The following DPH6 variants were observed in gnomAD, a reference collection of about 807,000 sequenced individuals.
The protein encoded by DPH6 is diphthine--ammonia ligase.
DPH6 carries 33 observed loss-of-function variants against 38.2 expected under a neutral mutation model. The observed-to-expected ratio is 0.86, with a 90% CI of 0.65 to 1.15. DPH6 has a LOEUF of 1.15. Ranked by LOEUF, DPH6 falls within the 50% of genes most tolerant of loss-of-function variation. DPH6 has a pLI of 0.00. For missense variants in DPH6, 325 were observed against 320.0 expected (o/e 1.02, Z -0.12); for synonymous variants, 108 against 103.0 (o/e 1.05, Z -0.30).
chr15:35,196,431 A>G, the DPH6 span, among the ~76,000 whole-genome samples: 1 of 152,166 alleles, frequency 6.6e-6, no homozygotes, highest in Non-Finnish European at 1.5e-5. Context: ...CGGACTACCC[A>G]CTAGCTGGAA....
chr15:35,351,209 T>C (rs2052507573), intron 3 of DPH6, among the ~76,000 whole-genome samples: 1 of 152,160 alleles, frequency 6.6e-6, no homozygotes, highest in Non-Finnish European at 1.5e-5. Flanking sequence ...TTTTGACTGG[T>C]ATATCAACCC....
the DPH6 span, among the ~76,000 whole-genome samples, chr15:35,147,496 T>A: frequency 5.3e-5 from 8 of 152,202 alleles, no homozygotes; most frequent in African/African-American, 1.4e-4. Flanking sequence ...GCAGAAGCAG[T>A]GACAAAGGAG....
chr15:35,325,924 C>T (rs981457722), downstream of DPH6, among the ~76,000 whole-genome samples: 3 of 151,848 alleles, frequency 2.0e-5, no homozygotes, highest in Non-Finnish European at 2.9e-5. Flanking sequence ...AGACACAAAA[C>T]GGCAGATAAA....
chr15:35,435,390 A>C (rs1317203293), intron 5 of DPH6, among the ~76,000 whole-genome samples: 1 of 152,236 alleles, frequency 6.6e-6, no homozygotes, highest in Non-Finnish European at 1.5e-5. Flanking sequence ...GCAAACATTG[A>C]GCAGTAATTG....
intron 6 of DPH6, among the ~76,000 whole-genome samples, chr15:35,387,449 C>T (rs573988387): frequency 3.3e-4 from 51 of 152,258 alleles, no homozygotes; most frequent in South Asian, 1.9e-3. Flanking sequence ...GCCATTTTCA[C>T]GATATTGATT....
intron 3 of DPH6, chr15:35,283,048 C>CTTT: frequency 5.8e-6 from 1 of 171,054 alleles, no homozygotes; most frequent in Non-Finnish European, 1.2e-5. Context: ...CTTCTTCTTC[C>CTTT]TTCTTCTTCC....
intron 3 of DPH6, among the ~76,000 whole-genome samples, chr15:35,300,497 C>A (rs753448021): frequency 9.2e-5 from 14 of 152,054 alleles, no homozygotes; most frequent in Non-Finnish European, 2.1e-4. Flanking sequence ...CGTTCCGGGA[C>A]TAAAGTGGCA....
At position 35,496,566 on chromosome 15, in the gene DPH6, AAATATATATATAT is replaced by A. The variant is rs1323378695; in HGVS notation, c.312+41695_312+41707del. 7.5e-5 allele frequency among the ~76,000 whole-genome samples: 7 copies of A among 93,798 alleles called. No homozygotes were observed. The East Asian group carries it at 3.2e-3, about 43-fold the overall frequency. The allele number at this position is 93,798 out of a possible 152,430, so 61.5% of individuals were successfully genotyped here. Reference sequence around the variant, plus strand: ...CGAAAGTTCCATCTCAAAAAAAAAAAAATATATATATATATATATATATATCCTCTACCAATGA... The same window carrying A: ...CGAAAGTTCCATCTCAAAAAAAAAAAATATATATATATCCTCTACCAATGA... On this transcript the variant is annotated intron_variant, in intron 3 of 8. Transcript: ENST00000256538.
At chr15:35,470,379 T>TA (rs1358132268) in intron 3 of DPH6, among the ~76,000 whole-genome samples, 3 of 151,650 alleles carry the variant, frequency 2.0e-5, no homozygotes, top group African/African-American at 7.3e-5. Context: ...AATGGGGATT[T>TA]AAAAAAAATA....
chr15:35,213,531 C>A (rs77939420), downstream of DPH6, among the ~76,000 whole-genome samples: 1 of 152,196 alleles, frequency 6.6e-6, no homozygotes, highest in African/African-American at 2.4e-5. Context: ...AAGGCCATAG[C>A]AGGCTTTTCT....
intron 5 of DPH6, among the ~76,000 whole-genome samples, chr15:35,432,750 C>T (rs1685389626): frequency 6.6e-6 from 1 of 152,034 alleles, no homozygotes; most frequent in Non-Finnish European, 1.5e-5. Context: ...GTACTGAAGA[C>T]ATATTCCACC....
chr15:35,521,175 G>A, intron 3 of DPH6: 2 of 985,278 alleles, frequency 2.0e-6, no homozygotes, highest in Non-Finnish European at 2.4e-6. Flanking sequence ...AATGCTACTT[G>A]AGTATTGCTC....
chr15:35,489,745 G>A, intron 3 of DPH6: 1 of 981,376 alleles, frequency 1.0e-6, no homozygotes. Flanking sequence ...ACAGTATACA[G>A]AAACTATAAA....
At chr15:35,194,840 T>A in the DPH6 span, among the ~76,000 whole-genome samples, 1 of 152,210 alleles carries the variant, frequency 6.6e-6, no homozygotes, top group Non-Finnish European at 1.5e-5. Context: ...TTCAGGGAAA[T>A]GTGATAATTT....
rs553358783 is a variant in DPH6 at position 35,480,528 on chromosome 15, T to C, written c.313-25708A>G. Among the ~76,000 whole-genome samples, 8 of 152,170 alleles carry C rather than the reference T, an allele frequency of 5.3e-5. No homozygotes were observed. In the East Asian group the frequency reaches 5.8e-4, roughly 11 times the overall value. ...CCATACCAGCTATATAAATAGGAAATAGATTTGTGGGCTTTTACACAGAAT... is the reference window on the plus strand; with the variant it reads ...CCATACCAGCTATATAAATAGGAAACAGATTTGTGGGCTTTTACACAGAAT... On this transcript the variant is annotated intron_variant, in intron 3 of 8. Transcript: ENST00000256538.
intron 5 of DPH6, among the ~76,000 whole-genome samples, chr15:35,436,483 AC>A (rs1488214246): frequency 0.1 from 3,572 of 35,122 alleles, 299 homozygotes; most frequent in African/African-American, 0.24. Flanking sequence ...ACAAACAAAA[AC>A]AAAACAAAAC....
chr15:35,329,014 G>A (rs374033050), downstream of DPH6, among the ~76,000 whole-genome samples: 8 of 152,116 alleles, frequency 5.3e-5, no homozygotes, highest in Admixed American at 2.6e-4. Context: ...AACAGTACGC[G>A]GGAAACTGCC....
chr15:35,325,953 A>G (rs1457264182), downstream of DPH6, among the ~76,000 whole-genome samples: 1 of 152,208 alleles, frequency 6.6e-6, no homozygotes, highest in African/African-American at 2.4e-5. Context: ...AAGAAGTTCA[A>G]TCTCAGTAGT....
At chr15:35,272,915 A>T (rs2051832315) in intron 3 of DPH6, among the ~76,000 whole-genome samples, 1 of 151,574 alleles carries the variant, frequency 6.6e-6, no homozygotes, top group Non-Finnish European at 1.5e-5. Flanking sequence ...TAAAAAAAAA[A>T]AAACAAACCA....
Sources: gnomAD v4.1 joint callset for allele counts (sites outside exome capture counted in the v4.1 genomes callset) on GRCh38, gnomAD v4.1.1 for gene constraint, MANE v1.5 for transcripts, NCBI Gene and HGNC (gene_info 2026-07-23, HGNC 2026-07-21) for gene names.